Variants in RRM1 observed in about 807,000 individuals in gnomAD.
RRM1 encodes the protein ribonucleotide reductase catalytic subunit M1.
A neutral mutation model predicts 101.5 loss-of-function variants in RRM1; 19 were observed. The observed-to-expected ratio is 0.19, with a 90% confidence interval of 0.13 to 0.27. RRM1 has a LOEUF of 0.27. Among genes scored for constraint, RRM1 ranks in the 10% least tolerant of loss-of-function variants. The probability of loss-of-function intolerance (pLI) is 1.00; values close to 1 mark genes in which losing one functional copy is unlikely to be tolerated. For synonymous variants in RRM1, 298 were observed against 323.4 expected (o/e 0.92, Z 0.84); for missense variants, 500 against 962.9 (o/e 0.52, Z 6.36).
rs762254687 is a variant in RRM1 at position 4,104,605 on chromosome 11, C to G, written c.109-1441C>G. 2.0e-5 allele frequency among the ~76,000 whole-genome samples: 3 copies of G among 152,122 alleles called. 1 individual carries two copies. The highest frequency in any genetic ancestry group is 4.4e-5 in the Non-Finnish European group (3 of 67,998). ...CCAGAAGACTTGTATAATAATATAA[C>G]CTTGGGCAAGTCTCAGTAACCTGAG... On this transcript the variant is annotated intron_variant, in intron 2 of 18. Transcript: ENST00000300738.
chr11:4,128,113 A>G (rs1402379691), intron 14 of RRM1, among the ~76,000 whole-genome samples: 1 of 150,998 alleles, frequency 6.6e-6, no homozygotes, highest in Admixed American at 6.6e-5. Flanking sequence ...TTTTCACCTG[A>G]TAAGTTAGGT....
intron 5 of RRM1, among the ~76,000 whole-genome samples, chr11:4,110,864 A>G (rs540245509): frequency 1.3e-5 from 2 of 151,910 alleles, no homozygotes; most frequent in African/African-American, 2.4e-5. Context: ...CCTGATGTAT[A>G]TGTTGCTCAT....
At chr11:4,111,855 T>A in intron 6 of RRM1, 45 bp from the exon 7 acceptor site, 1 of 1,565,950 alleles carries the variant, frequency 6.4e-7, no homozygotes, top group South Asian at 1.2e-5. Context: ...CTCAACCTAC[T>A]TTTTCTGACG....
At chr11:4,115,659 C>G (rs1384959137) in intron 7 of RRM1, among the ~76,000 whole-genome samples, 1 of 152,102 alleles carries the variant, frequency 6.6e-6, no homozygotes, top group Non-Finnish European at 1.5e-5. Flanking sequence ...CGGGTTCAAG[C>G]AATTCTCCTG....
At chr11:4,114,059 T>A (rs1362670443) in intron 7 of RRM1, among the ~76,000 whole-genome samples, 1 of 151,982 alleles carries the variant, frequency 6.6e-6, no homozygotes, top group East Asian at 1.9e-4. Flanking sequence ...TGCTTGAACC[T>A]GGGAGGCAGA....
At chr11:4,095,095 TG>T in intron 1 of RRM1, 64 bp downstream of exon 1, 1 of 1,532,090 alleles carries the variant, frequency 6.5e-7, no homozygotes, top group Non-Finnish European at 8.8e-7. Context: ...CCGCCGGAGC[TG>T]ATGCCCAGAC....
intron 8 of RRM1, among the ~76,000 whole-genome samples, chr11:4,119,365 A>G (rs1463804829): frequency 6.6e-6 from 1 of 152,224 alleles, no homozygotes; most frequent in African/African-American, 2.4e-5. Flanking sequence ...TTTTCTTAAC[A>G]TCATTCTAGA....
chr11:4,119,789 TTTTTC>T (rs1453508606), intron 8 of RRM1, 51 bp from the exon 9 acceptor site: 1 of 1,086,756 alleles, frequency 9.2e-7, no homozygotes, highest in Non-Finnish European at 1.4e-6. Context: ...TGGGGCCATT[TTTTTC>T]TTTTCTTTGC....
Position 4,138,559 on chromosome 11 carries a change from A to G in RRM1, c.*176A>G, listed in dbSNP as rs1043045891. 7.7e-5 allele frequency: 31 copies of G among 400,496 alleles called. No individual in the cohort carries two copies. The highest frequency in any genetic ancestry group is 7.6e-4 in the Admixed American group (17 of 22,398). The allele number at this position is 400,496 out of a possible 1,614,324, so 24.8% of individuals were successfully genotyped here. On this transcript the variant is annotated 3_prime_UTR_variant, in exon 19 of 19. Transcript: ENST00000300738. ...ATAATGATTTTTTTTTTAAACTCAT[A>G]TATTGGGATTTTCACCAAAATAATG...
intron 17 of RRM1, 88 bp from the exon 18 acceptor site, chr11:4,134,994 G>T: frequency 1.0e-6 from 1 of 972,022 alleles, no homozygotes; most frequent in South Asian, 1.8e-5. Context: ...GAAGTAAAAT[G>T]AAGATCAAAG....
intron 15 of RRM1, among the ~76,000 whole-genome samples, chr11:4,130,086 A>ATT (rs796657105): frequency 1.3e-4 from 13 of 99,482 alleles, no homozygotes; most frequent in East Asian, 2.9e-4. Flanking sequence ...ATATATATAT[A>ATT]TTTTTTTTTT....
rs72555776 is a variant in RRM1 at position 4,111,736 on chromosome 11, A to G, written c.487+96A>G. 122 of 1,270,586 alleles carry G rather than the reference A, an allele frequency of 9.6e-5. 1 individual carries two copies. In the East Asian group the frequency reaches 2.5e-3, roughly 26 times the overall value. The allele number at this position is 1,270,586 out of a possible 1,614,324, so 78.7% of individuals were successfully genotyped here. A position where few individuals can be genotyped will look rare whatever the true frequency, so the allele number is the denominator to read the frequency against. ...GTCTTAATATTCTTGCTTAGACTCTAGATAACATTTTGGACTTTAGGTTTA... is the reference window on the plus strand; with the variant it reads ...GTCTTAATATTCTTGCTTAGACTCTGGATAACATTTTGGACTTTAGGTTTA... On this transcript the variant is annotated intron_variant, in intron 6 of 18. Coordinates refer to ENST00000300738, the MANE Select transcript of RRM1 (RefSeq NM_001033.5).
At chr11:4,134,834 T>C (rs1317224648) in intron 17 of RRM1, among the ~76,000 whole-genome samples, 1 of 152,234 alleles carries the variant, frequency 6.6e-6, no homozygotes, top group Non-Finnish European at 1.5e-5. Flanking sequence ...AATTGGTTTA[T>C]GACCAACAAA....
chr11:4,098,779 G>A (rs576708117), intron 1 of RRM1, among the ~76,000 whole-genome samples: 39 of 152,302 alleles, frequency 2.6e-4, no homozygotes, highest in African/African-American at 9.1e-4. Context: ...GGAGTGGTAA[G>A]TGTATATAAG....
rs1324699800 is a variant in RRM1 at position 4,137,470 on chromosome 11, G to C, written c.2191-725G>C. Among the ~76,000 whole-genome samples, 58 of 137,070 alleles carry C rather than the reference G, an allele frequency of 4.2e-4. 1 individual carries two copies. The highest frequency in any genetic ancestry group is 1.6e-3 in the African/African-American group (57 of 36,024). 89.9% of individuals were successfully genotyped at this position (137,070 alleles called of 152,430 possible). A position where few individuals can be genotyped will look rare whatever the true frequency, so the allele number is the denominator to read the frequency against. ...GGCTCACACCCCCACCTCCCTCCCGGACGGGGCGGCTGGCCGGGCCGGGGG... is the reference window on the plus strand; with the variant it reads ...GGCTCACACCCCCACCTCCCTCCCGCACGGGGCGGCTGGCCGGGCCGGGGG... On this transcript the variant is annotated intron_variant, in intron 18 of 18. Transcript: ENST00000300738.
chr11:4,133,550 C>T lies in RRM1; in HGVS notation c.1906-13C>T, dbSNP rs754699655. On this transcript the variant is annotated splice_polypyrimidine_tract_variant and intron_variant, in intron 16 of 18. Transcript: ENST00000300738. The stretch of plus-strand genomic sequence containing the variant: ...TATTTATTTCTTCATACATTTTCTG[C>T]TTTTCCATTCAGATTGTAAATCCTC... The T allele has an allele frequency of 1.3e-6, 2 of 1,547,524 alleles. No homozygotes were observed. The highest frequency in any genetic ancestry group is 1.4e-5 in the African/African-American group (1 of 73,378).
At position 4,102,509 on chromosome 11, in the gene RRM1, T is replaced by C. The variant is rs535700552; in HGVS notation, c.108+428T>C. 8.5e-5 allele frequency among the ~76,000 whole-genome samples: 13 copies of C among 152,056 alleles called. No individual in the cohort carries two copies. In the South Asian group the frequency reaches 1.5e-3, roughly 17 times the overall value. ...CCCGTCTCTACTAAAAATGCAAAAA[T>C]TAGCCGGGCCTGGTGGTGGGCGCCT... On this transcript the variant is annotated intron_variant, in intron 2 of 18. Transcript: ENST00000300738.
chr11:4,121,529 A>T, intron 9 of RRM1, 75 bp from the exon 10 acceptor site: 4 of 1,145,576 alleles, frequency 3.5e-6, no homozygotes, highest in Non-Finnish European at 4.9e-6. Context: ...AGATACTATA[A>T]AAGTGCTTTG....
chr11:4,132,257 C>T lies in RRM1; in HGVS notation c.1770-29C>T. 1 of 1,612,836 alleles carries T rather than the reference C, an allele frequency of 6.2e-7. No homozygotes were observed. On this transcript the variant is annotated intron_variant, in intron 15 of 18. Transcript: ENST00000300738. This position sits in a 1 kb window ranked among gnomAD's most constrained non-coding sequence, Gnocchi z 4.1. The stretch of plus-strand genomic sequence containing the variant: ...TTCCTGGCAGATTGTAGCTTTGGGA[C>T]TAGTACCTGATAATCTCCTTTTCTT...
Sources: gnomAD v4.1 joint callset for allele counts (sites outside exome capture counted in the v4.1 genomes callset) on GRCh38, gnomAD v4.1.1 for gene constraint, Gnocchi (gnomAD v3.1) non-coding constraint, MANE v1.5 for transcripts, NCBI Gene and HGNC (gene_info 2026-07-23, HGNC 2026-07-21) for gene names.